Variants in ARHGEF11 observed in about 807,000 individuals in gnomAD.
ARHGEF11 encodes Rho guanine exchange factor (GEF) 11.
In ARHGEF11, 55 loss-of-function variants were observed where a neutral mutation model predicts 193.7. The observed-to-expected ratio is 0.28, with a 90% confidence interval of 0.23 to 0.36. The LOEUF (loss-of-function observed/expected upper bound fraction) is 0.36. ARHGEF11 is among the 10% of genes least tolerant of loss of function. ARHGEF11 has a pLI of 1.00. For synonymous variants in ARHGEF11, 693 were observed against 768.0 expected (o/e 0.90, Z 1.62); for missense variants, 1,723 against 2,005.6 (o/e 0.86, Z 2.69).
intron 1 of ARHGEF11, among the ~76,000 whole-genome samples, chr1:157,009,579 T>G (rs1259008414): frequency 6.6e-6 from 1 of 152,244 alleles, no homozygotes; most frequent in Non-Finnish European, 1.5e-5. Context: ...TTGGTGGTAC[T>G]GAGCTAGGCT....
intron 1 of ARHGEF11, among the ~76,000 whole-genome samples, chr1:156,995,976 C>G (rs1284314712): frequency 6.6e-6 from 1 of 152,130 alleles, no homozygotes; most frequent in African/African-American, 2.4e-5. Context: ...AAGATGAAAT[C>G]AGATACAGGT....
At chr1:156,996,850 T>C (rs1571418863) in intron 1 of ARHGEF11, among the ~76,000 whole-genome samples, 1 of 127,346 alleles carries the variant, frequency 7.9e-6, no homozygotes, top group Admixed American at 8.4e-5. Flanking sequence ...CTTAGGAACC[T>C]CTCTCTCTAT....
intron 21 of ARHGEF11, among the ~76,000 whole-genome samples, chr1:156,954,380 CAAAAAAAAAAAAAAAAAAAAAA>C (rs559848711): frequency 9.6e-4 from 72 of 75,162 alleles, no homozygotes; most frequent in Non-Finnish European, 1.7e-3. Flanking sequence ...ACTGTGTCTC[CAAAAAAAAAAAAAAAAAAAAAA>C]AAAAAAAAAA....
In ARHGEF11 at chr1:156,937,309, C is replaced by A; in HGVS notation, c.4380G>T (p.Arg1460Ser). Residue 1460 changes from arginine (R) to serine (S), a missense_variant, in exon 39 of 41, where the codon AGG (arginine) becomes AGT (serine). Transcript: ENST00000368194. Reference protein sequence around the residue: ...PSRSPPSLALRDVGMIFHTIE... With the variant: ...PSRSPPSLALSDVGMIFHTIE... ...TGGTATGGAAGATCATGCCCACGTC[C>A]CTGAGGGCCAGGCTTGGAGGAGAGC... 1 of 1,613,932 alleles carries A rather than the reference C, an allele frequency of 6.2e-7. No homozygotes were observed. The highest frequency in any genetic ancestry group is 2.2e-5 in the East Asian group (1 of 44,852).
In ARHGEF11 at chr1:156,968,077, A is replaced by T. The variant is rs1661958314; in HGVS notation, c.873T>A (p.Ser291Arg). The T allele has an allele frequency of 1.2e-6, 2 of 1,614,088 alleles. No homozygotes were observed. Among genetic ancestry groups the T allele is most frequent in the Non-Finnish European group, 1.7e-6 (2 of 1,180,036 alleles). The change falls in exon 11 of 41, where the codon AGT becomes AGA. Residue 291 changes from serine to arginine, a missense_variant. By Grantham distance (110) the Ser-to-Arg change is moderately radical. Around this residue, in one of 5 missense-constraint regions of ARHGEF11, gnomAD observed 646 missense variants for 710.7 expected, o/e 0.91. Coordinates refer to ENST00000368194, the MANE Select transcript of ARHGEF11 (RefSeq NM_198236.3). ...CCATGATCACAGGGGAGGTTCGAGG[A>T]CTGTCTAGCCCAGGGTCTGACAGTA... is the stretch of plus-strand genomic sequence containing the variant. ...NSVLSDPGLD[S>R]PRTSPVIMAR... is the part of the protein sequence containing the mutation.
chr1:157,029,370 A>G (rs1017295751), intron 1 of ARHGEF11, among the ~76,000 whole-genome samples: 1 of 151,998 alleles, frequency 6.6e-6, no homozygotes, highest in Non-Finnish European at 1.5e-5. Flanking sequence ...CCTGAGTTCA[A>G]GCAATTCTCC....
chr1:157,030,419 C>G (rs974217115), intron 1 of ARHGEF11, among the ~76,000 whole-genome samples: 3 of 152,156 alleles, frequency 2.0e-5, no homozygotes, highest in Non-Finnish European at 4.4e-5. Flanking sequence ...AGGGACTTAT[C>G]CTCTTCTTAG....
chr1:156,957,920 T>G, intron 17 of ARHGEF11, 105 bp from the exon 18 acceptor site: 2 of 1,070,392 alleles, frequency 1.9e-6, no homozygotes, highest in Non-Finnish European at 2.9e-6. Flanking sequence ...AAAGGAGGGT[T>G]AGTGGGGGAA....
chr1:157,012,774 A>C (rs540500187), intron 1 of ARHGEF11, among the ~76,000 whole-genome samples: 2 of 152,236 alleles, frequency 1.3e-5, no homozygotes, highest in Non-Finnish European at 2.9e-5. Context: ...TTGAGTATTG[A>C]AAAACATTTA....
At chr1:157,003,747 C>T (rs1306411129) in intron 1 of ARHGEF11, among the ~76,000 whole-genome samples, 2 of 152,176 alleles carry the variant, frequency 1.3e-5, no homozygotes, top group Non-Finnish European at 1.5e-5. Flanking sequence ...GTCTGCTGGC[C>T]AAATGCACAG....
rs1047545249 is a variant in ARHGEF11, at chr1:156,946,971, T to G, written c.2533A>C (p.Ile845Leu). ...AMKKLREEGP[I>L]IKEISDLMLA... The stretch of plus-strand genomic sequence containing the variant: ...ATGAGGTCACTGATCTCTTTGATGA[T>G]GGGGCCTTCCTCCCGGAGCTTCTTC... Residue 845 changes from isoleucine to leucine, a missense_variant, in exon 27 of 41, where the codon ATC becomes CTC. Transcript: ENST00000368194. The G allele has an allele frequency of 6.2e-7, 1 of 1,614,032 alleles. No homozygotes were observed. The highest frequency in any genetic ancestry group is 1.3e-5 in the African/African-American group (1 of 74,920).
chr1:156,971,938 G>A lies in ARHGEF11; in HGVS notation c.583-122C>T, dbSNP rs191314079. 6.6e-6 allele frequency: 8 copies of A among 1,213,020 alleles called. No individual in the cohort carries two copies. The East Asian group carries it at 1.2e-4, about 19-fold the overall frequency. 75.1% of individuals were successfully genotyped at this position (1,213,020 alleles called of 1,614,324 possible). A position where few individuals can be genotyped will look rare whatever the true frequency, so the allele number is the denominator to read the frequency against. ...CCCAAAACAAAGATGAGAGAGAAGA[G>A]GTCTCTGCCTCCAAGTAGATGCACG... is the stretch of plus-strand genomic sequence containing the variant. On this transcript the variant is annotated intron_variant, in intron 7 of 40. Transcript: ENST00000368194.
intron 20 of ARHGEF11, among the ~76,000 whole-genome samples, 187 bp downstream of exon 20, chr1:156,955,516 G>A (rs975564548): frequency 6.6e-6 from 1 of 152,096 alleles, no homozygotes; most frequent in Non-Finnish European, 1.5e-5. Flanking sequence ...TCCCTGGCTC[G>A]GAAACATTCA....
At chr1:156,968,862 CA>C (rs1662108938) in intron 10 of ARHGEF11, among the ~76,000 whole-genome samples, 1 of 152,128 alleles carries the variant, frequency 6.6e-6, no homozygotes, top group Non-Finnish European at 1.5e-5. Flanking sequence ...AAAAGATCCA[CA>C]GCAAAAAAAG....
intron 11 of ARHGEF11, chr1:156,963,907 A>G: frequency 2.0e-6 from 1 of 498,130 alleles, no homozygotes; most frequent in Non-Finnish European, 3.0e-6. Flanking sequence ...TCAGTCAACA[A>G]AATAAGAGCC....
chr1:156,941,521 G>A, intron 34 of ARHGEF11, 88 bp from the exon 35 acceptor site: 1 of 1,440,948 alleles, frequency 6.9e-7, no homozygotes, highest in South Asian at 1.2e-5. Flanking sequence ...TAGGATCCGA[G>A]AAGGACGGTG....
intron 1 of ARHGEF11, among the ~76,000 whole-genome samples, chr1:157,033,010 G>A (rs1671481838): frequency 1.3e-5 from 2 of 151,984 alleles, no homozygotes; most frequent in Non-Finnish European, 2.9e-5. Context: ...TCTGTGCACA[G>A]CCCTTTGCTC....
In ARHGEF11 at chr1:156,956,571, A is replaced by G. The variant is rs2102072860; in HGVS notation, c.1527-7T>C. 6.2e-7 allele frequency: 1 copy of G among 1,614,150 alleles called. No homozygotes were observed. Among genetic ancestry groups the G allele is most frequent in the Admixed American group, 1.7e-5 (1 of 60,028 alleles). On this transcript the variant is annotated splice_region_variant and splice_polypyrimidine_tract_variant and intron_variant, in intron 18 of 40. Coordinates refer to ENST00000368194, the MANE Select transcript of ARHGEF11 (RefSeq NM_198236.3). Reference sequence around the variant, plus strand: ...GGCGAAGTCCATGGGGGCGCTGTAAAAGAGGAACAGTGTCCTGAATCAGAG... The same window carrying G: ...GGCGAAGTCCATGGGGGCGCTGTAAGAGAGGAACAGTGTCCTGAATCAGAG...
At chr1:156,951,513 T>A (rs1659093657) in intron 22 of ARHGEF11, 60 bp downstream of exon 22, 2 of 1,599,226 alleles carry the variant, frequency 1.3e-6, no homozygotes, top group South Asian at 1.1e-5. Context: ...AACCCTAGCA[T>A]CAGCCCTGCC....
Sources: allele counts gnomAD v4.1 joint callset (sites outside exome capture counted in the v4.1 genomes callset), GRCh38; gene constraint gnomAD v4.1.1; regional missense constraint gnomAD v4.1.1; transcripts MANE v1.5; gene names NCBI Gene and HGNC (gene_info 2026-07-23, HGNC 2026-07-21).